RGS7: variants seen among roughly 807,000 people sequenced by gnomAD.
RGS7 encodes the protein regulator of G protein signaling 7, also known as regulator of G-protein signaling 7.
RGS7 carries 27 observed loss-of-function variants against 81.1 expected under a neutral mutation model. The observed-to-expected ratio is 0.33, with a 90% CI of 0.25 to 0.46. The LOEUF is 0.46. Among genes scored for constraint, RGS7 ranks in the 20% least tolerant of loss-of-function variants. The pLI is 1.00. For synonymous variants in RGS7, 208 were observed against 207.7 expected (o/e 1.00, Z -0.01); for missense variants, 396 against 607.4 (o/e 0.65, Z 3.66).
intron 10 of RGS7, among the ~76,000 whole-genome samples, chr1:240,822,001 A>G (rs879449717): frequency 6.6e-6 from 1 of 152,182 alleles, no homozygotes; most frequent in African/African-American, 2.4e-5. Flanking sequence ...TTTTGTGTCA[A>G]CTTGGCTGGC....
At chr1:241,053,393 C>T (rs1473821301) in intron 3 of RGS7, among the ~76,000 whole-genome samples, 2 of 152,162 alleles carry the variant, frequency 1.3e-5, no homozygotes, top group Non-Finnish European at 2.9e-5. Flanking sequence ...TACTGACCCT[C>T]AAAGTAGGAG....
chr1:240,876,686 G>A (rs1481042959), intron 6 of RGS7, among the ~76,000 whole-genome samples: 1 of 152,196 alleles, frequency 6.6e-6, no homozygotes, highest in African/African-American at 2.4e-5. Flanking sequence ...CATAGGCTGG[G>A]TGTAGTGGCT....
intron 2 of RGS7, among the ~76,000 whole-genome samples, chr1:241,269,866 T>C (rs1165671625): frequency 1.3e-5 from 2 of 152,222 alleles, no homozygotes; most frequent in African/African-American, 4.8e-5. Context: ...GCATTGTACA[T>C]AGTGTAGCCA....
At chr1:241,180,645 T>C (rs943836077) in intron 2 of RGS7, among the ~76,000 whole-genome samples, 2 of 152,192 alleles carry the variant, frequency 1.3e-5, no homozygotes, top group East Asian at 3.9e-4. Flanking sequence ...TCTATCCCTG[T>C]AATTACTCTT....
At chr1:240,786,453 G>C (rs1232077784) in intron 18 of RGS7, among the ~76,000 whole-genome samples, 2 of 152,074 alleles carry the variant, frequency 1.3e-5, no homozygotes, top group South Asian at 2.1e-4. Flanking sequence ...TCAATTTAGA[G>C]AGATGCAACC....
intron 6 of RGS7, among the ~76,000 whole-genome samples, chr1:240,908,849 CT>C (rs1671271502): frequency 6.6e-6 from 1 of 152,170 alleles, no homozygotes; most frequent in Non-Finnish European, 1.5e-5. Flanking sequence ...AAAGAAAGAC[CT>C]GAATTCCATT....
intron 4 of RGS7, among the ~76,000 whole-genome samples, chr1:240,937,134 T>G (rs934198706): frequency 4.6e-5 from 7 of 152,138 alleles, no homozygotes; most frequent in Admixed American, 3.9e-4. Context: ...TTTTAAACAG[T>G]AGCCAATCGG....
intron 10 of RGS7, among the ~76,000 whole-genome samples, chr1:240,825,064 T>C (rs1255667407): frequency 6.6e-6 from 1 of 152,212 alleles, no homozygotes; most frequent in Non-Finnish European, 1.5e-5. Context: ...TGGCATTTTG[T>C]TAAGGCGGCC....
At chr1:241,121,187 TG>T (rs1163951735) in intron 2 of RGS7, among the ~76,000 whole-genome samples, 4 of 152,130 alleles carry the variant, frequency 2.6e-5, no homozygotes, top group Non-Finnish European at 4.4e-5. Flanking sequence ...TGTAAAATAT[TG>T]GGTGAAAAAA....
At chr1:240,871,154 G>A (rs1271130246) in intron 6 of RGS7, among the ~76,000 whole-genome samples, 1 of 152,132 alleles carries the variant, frequency 6.6e-6, no homozygotes, top group East Asian at 1.9e-4. Flanking sequence ...GAACATTTTT[G>A]TCATTGTTTT....
chr1:241,323,415 T>G (rs2081319530), intron 2 of RGS7, among the ~76,000 whole-genome samples: 1 of 152,244 alleles, frequency 6.6e-6, no homozygotes, highest in South Asian at 2.1e-4. Context: ...AACTGCAGTC[T>G]TCTCCTTCCT....
chr1:240,804,377 G>A (rs1688494845), intron 15 of RGS7, among the ~76,000 whole-genome samples: 2 of 152,096 alleles, frequency 1.3e-5, no homozygotes, highest in Non-Finnish European at 2.9e-5. Flanking sequence ...TGAAGAAACT[G>A]AGGCGTGGAG....
intron 6 of RGS7, among the ~76,000 whole-genome samples, chr1:240,897,059 G>A (rs1272948269): frequency 6.6e-6 from 1 of 152,162 alleles, no homozygotes; most frequent in Non-Finnish European, 1.5e-5. Flanking sequence ...GTGAATGGGA[G>A]TTCACTCATG....
At chr1:240,913,544 T>C (rs1005804104) in intron 6 of RGS7, among the ~76,000 whole-genome samples, 6 of 152,230 alleles carry the variant, frequency 3.9e-5, no homozygotes, top group African/African-American at 1.4e-4. Context: ...AATGAGTTGG[T>C]TCTCACTGTC....
intron 2 of RGS7, among the ~76,000 whole-genome samples, chr1:241,198,326 T>C (rs1168412302): frequency 6.6e-6 from 1 of 151,530 alleles, no homozygotes; most frequent in Non-Finnish European, 1.5e-5. Context: ...AAGTGAAAAC[T>C]AGAAAACAAT....
chr1:240,868,843 C>T lies in RGS7; in HGVS notation c.460G>A (p.Ala154Thr), dbSNP rs755739521. The change falls in exon 8 of 19, where the codon GCC (alanine) becomes ACC (threonine). Residue 154 changes from alanine (A) to threonine (T), a missense_variant. Coordinates refer to ENST00000440928, the MANE Select transcript of RGS7 (RefSeq NM_001364886.1). This position sits in a 1 kb window ranked among gnomAD's most constrained non-coding sequence, Gnocchi z 5.1. ...CGGGCAAATGCTCTCTGCAGCCTGG[C>T]CAGGCTCTCCTGAAAAACATACCCC... is the stretch of plus-strand genomic sequence containing the variant. ...ELADYEAESL[A>T]RLQRAFARKW... 1 of 1,613,938 alleles carries T rather than the reference C, an allele frequency of 6.2e-7. No individual in the cohort carries two copies.
chr1:241,142,770 A>C lies in RGS7; in HGVS notation c.79-44008T>G, dbSNP rs554410423. Among the ~76,000 whole-genome samples, 95 of 152,316 alleles carry C rather than the reference A, an allele frequency of 6.2e-4. 1 individual carries two copies. In the South Asian group the frequency reaches 0.019, roughly 30 times the overall value. ...TAATTAACATTCAGCTCCTCCTTAC[A>C]TATGCAAATTTATGCAGCCAGCTTG... is the stretch of plus-strand genomic sequence containing the variant. On this transcript the variant is annotated intron_variant, in intron 2 of 18. Transcript: ENST00000440928.
At position 241,235,447 on chromosome 1, in the gene RGS7, C is replaced by T. The variant is rs116424280; in HGVS notation, c.78+120252G>A. Among the ~76,000 whole-genome samples, 423 of 152,256 alleles carry T rather than the reference C, an allele frequency of 2.8e-3. 2 individuals carry two copies. Among genetic ancestry groups the T allele is most frequent in the African/African-American group, 0.01 (417 of 41,550 alleles). On this transcript the variant is annotated intron_variant, in intron 2 of 18. Transcript: ENST00000440928. Reference sequence around the variant, plus strand: ...CAGGAACCAGGCAGCTCTGTTCCTGCCTGGTTTCCATGGCAACATCAGCTA... The same window carrying T: ...CAGGAACCAGGCAGCTCTGTTCCTGTCTGGTTTCCATGGCAACATCAGCTA...
intron 2 of RGS7, among the ~76,000 whole-genome samples, chr1:241,139,295 T>TTTCCTTCCTTCCTTCCTTCC (rs140713971): frequency 6.7e-6 from 1 of 150,172 alleles, no homozygotes; most frequent in African/African-American, 2.5e-5. Context: ...TCCTTCCTTC[T>TTTCCTTCCTTCCTTCCTTCC]TTCCTTCCTT....
Sources: gnomAD v4.1 joint callset for allele counts (sites outside exome capture counted in the v4.1 genomes callset) on GRCh38, gnomAD v4.1.1 for gene constraint, Gnocchi (gnomAD v3.1) non-coding constraint, MANE v1.5 for transcripts, NCBI Gene and HGNC (gene_info 2026-07-23, HGNC 2026-07-21) for gene names.